The following GSG1 variants were observed in gnomAD, a reference collection of about 807,000 sequenced individuals.
The protein encoded by GSG1 is germ cell-specific gene 1 protein.
Under a neutral mutation model 30.8 loss-of-function variants are expected in GSG1, and 28 were observed. That is an observed-to-expected ratio of 0.91 (90% CI 0.67 to 1.25). The LOEUF (loss-of-function observed/expected upper bound fraction) is 1.25. Ranked by LOEUF, GSG1 falls within the 50% of genes most tolerant of loss-of-function variation. GSG1 has a pLI of 0.00. For missense variants in GSG1, 435 were observed against 444.7 expected (o/e 0.98, Z 0.20); for synonymous variants, 162 against 178.0 (o/e 0.91, Z 0.71).
At position 13,101,197 on chromosome 12, in the gene GSG1, C is replaced by G. The variant is rs1162501043; in HGVS notation, c.48+2268G>C. The stretch of plus-strand genomic sequence containing the variant: ...ACCGCGGGGCGGGGCGGGGGCGTAA[C>G]GGGTGGGGCCTCTCGGGGGTGCCTG... On this transcript the variant is annotated intron_variant, in intron 1 of 6. Transcript: ENST00000651961. This position sits in a 1 kb window ranked among gnomAD's most constrained non-coding sequence, Gnocchi z 5.8. 6.9e-6 allele frequency among the ~76,000 whole-genome samples: 1 copy of G among 144,882 alleles called. No individual in the cohort carries two copies.
At chr12:13,095,698 T>C in intron 1 of GSG1, 2 of 1,603,360 alleles carry the variant, frequency 1.2e-6, no homozygotes, top group Admixed American at 1.7e-5. Flanking sequence ...ATGCAAACTG[T>C]CTTCCTACCC....
intron 1 of GSG1, among the ~76,000 whole-genome samples, chr12:13,096,212 G>T (rs1271964038): frequency 6.6e-6 from 1 of 152,054 alleles, no homozygotes; most frequent in Non-Finnish European, 1.5e-5. Flanking sequence ...GGTGGATCAC[G>T]CCTGTAATCC....
At position 13,090,654 on chromosome 12, in the gene GSG1, G is replaced by A; in HGVS notation, c.213C>T (p.Cys71=). The part of the protein sequence containing the change: ...PLCEKGLAAK[C]FDMPVSLDGD... ...CATCCAGGGACACTGGCATGTCAAA[G>A]CACTTGGCTGCCAGACCTTTCTCGC... The change falls in exon 2 of 7, where the codon TGC becomes TGT. Residue 71 remains cysteine (C), a synonymous_variant. Transcript: ENST00000651961. 2 of 1,614,244 alleles carry A rather than the reference G, an allele frequency of 1.2e-6. No homozygotes were observed. The highest frequency in any genetic ancestry group is 1.1e-5 in the South Asian group (1 of 91,088).
At chr12:13,095,088 T>C (rs1349386197) in intron 1 of GSG1, among the ~76,000 whole-genome samples, 1 of 152,208 alleles carries the variant, frequency 6.6e-6, no homozygotes, top group Non-Finnish European at 1.5e-5. Context: ...GGAACCTCAT[T>C]CAAAAATCAT....
At chr12:13,096,029 A>G (rs1025716589) in intron 1 of GSG1, among the ~76,000 whole-genome samples, 7 of 152,202 alleles carry the variant, frequency 4.6e-5, no homozygotes, top group Admixed American at 3.9e-4. Flanking sequence ...GCAGGTCACC[A>G]TCACTGCAGA....
chr12:13,102,378 C>T (rs533027796), intron 1 of GSG1, among the ~76,000 whole-genome samples: 41 of 152,300 alleles, frequency 2.7e-4, no homozygotes, highest in African/African-American at 9.9e-4. Context: ...CCAGACGCTC[C>T]CATATTCCCT....
At chr12:13,098,309 A>G (rs1862889841) in intron 1 of GSG1, among the ~76,000 whole-genome samples, 1 of 150,700 alleles carries the variant, frequency 6.6e-6, no homozygotes, top group African/African-American at 2.4e-5. Context: ...GGATCCTTTT[A>G]TTTATTTATT....
At chr12:13,087,874 C>T (rs1865685836) in intron 5 of GSG1, 33 bp downstream of exon 5, 2 of 1,607,854 alleles carry the variant, frequency 1.2e-6, no homozygotes, top group Non-Finnish European at 1.7e-6. Flanking sequence ...TGGCCAGGGC[C>T]AACCACCCTC....
Position 13,083,616 on chromosome 12 carries a change from C to T in GSG1, c.*1285G>A, listed in dbSNP as rs1185081735. 1 of 150,952 alleles carries T rather than the reference C, an allele frequency of 6.6e-6. No homozygotes were observed. The highest frequency in any genetic ancestry group is 2.4e-5 in the African/African-American group (1 of 40,962). The allele number at this position is 150,952 out of a possible 1,614,324, so 9.4% of individuals were successfully genotyped here. On this transcript the variant is annotated 3_prime_UTR_variant, in exon 7 of 7. Coordinates refer to ENST00000651961, the MANE Select transcript of GSG1 (RefSeq NM_001080555.4). ...ATTTGTTACATATGTATACATGTGC[C>T]ATGTTGGTGTGCTGCACCCATTAAC...
At position 13,089,274 on chromosome 12, in the gene GSG1, G is replaced by A; in HGVS notation, c.367C>T (p.Leu123=). The change falls in exon 3 of 7, where the codon CTG becomes TTG. Residue 123 remains leucine, a splice_region_variant and synonymous_variant. Coordinates refer to ENST00000651961, the MANE Select transcript of GSG1 (RefSeq NM_001080555.4). ...TGTTTCCAGGACTGGGGATGGAGCA[G>A]TGCTAAGTGGCACAATAATAAATAT... The part of the protein sequence containing the change: ...SCEETVEEPA[L]LHPQSWKQFR... The A allele has an allele frequency of 1.9e-6, 3 of 1,554,494 alleles. No homozygotes were observed. The highest frequency in any genetic ancestry group is 1.7e-6 in the Non-Finnish European group (2 of 1,148,414).
chr12:13,098,934 C>T (rs1280702640), intron 1 of GSG1, among the ~76,000 whole-genome samples: 2 of 152,164 alleles, frequency 1.3e-5, no homozygotes, highest in African/African-American at 2.4e-5. Context: ...CCTACTCACT[C>T]CACCTCTTCT....
chr12:13,097,346 G>C (rs910398629), intron 1 of GSG1, among the ~76,000 whole-genome samples: 2 of 151,796 alleles, frequency 1.3e-5, no homozygotes, highest in African/African-American at 4.8e-5. Context: ...CATGATCCTT[G>C]TCACACTATA....
intron 1 of GSG1, among the ~76,000 whole-genome samples, chr12:13,096,557 A>T (rs1866682540): frequency 6.6e-6 from 1 of 151,724 alleles, no homozygotes; most frequent in African/African-American, 2.4e-5. Context: ...TTGGCTGGGG[A>T]TGTGGCAAAG....
chr12:13,094,717 A>T (rs761155967), intron 1 of GSG1, among the ~76,000 whole-genome samples: 10 of 152,310 alleles, frequency 6.6e-5, no homozygotes, highest in African/African-American at 2.4e-4. Flanking sequence ...GACTTAGGCA[A>T]TTCTAACTTT....
Position 13,085,002 on chromosome 12 carries a change from C to G in GSG1, c.988G>C (p.Val330Leu), listed in dbSNP as rs369027741. 1.3e-6 allele frequency: 2 copies of G among 1,557,626 alleles called. No homozygotes were observed. Among genetic ancestry groups the G allele is most frequent in the African/African-American group, 2.7e-5 (2 of 73,528 alleles). ...NQPIHSVSEGVDFYSELRNKG... is the reference protein window; with the variant it reads ...NQPIHSVSEGLDFYSELRNKG... ...TTCCGCAGCTCGGAGTAGAAGTCGA[C>G]TCCCTCAGAGACAGAGTGGATGGGC... is the stretch of plus-strand genomic sequence containing the variant. The change falls in exon 7 of 7, where the codon GTC (valine) becomes CTC (leucine). Residue 330 changes from valine (V) to leucine (L), a missense_variant. Coordinates refer to ENST00000651961, the MANE Select transcript of GSG1 (RefSeq NM_001080555.4).
At chr12:13,096,227 A>G (rs968354143) in intron 1 of GSG1, among the ~76,000 whole-genome samples, 1 of 152,058 alleles carries the variant, frequency 6.6e-6, no homozygotes. Context: ...TAATCCCAGC[A>G]CTTTGGGAGG....
chr12:13,097,662 C>T (rs1308493459), intron 1 of GSG1, among the ~76,000 whole-genome samples: 1 of 152,038 alleles, frequency 6.6e-6, no homozygotes, highest in African/African-American at 2.4e-5. Context: ...TATGCCGATT[C>T]CTGGACCCAC....
At chr12:13,087,349 C>T (rs1865645818) in intron 5 of GSG1, 86 bp from the exon 6 acceptor site, 6 of 932,250 alleles carry the variant, frequency 6.4e-6, no homozygotes, top group Non-Finnish European at 1.0e-5. Flanking sequence ...ACCCTTCTTG[C>T]AGTCAGGCGC....
chr12:13,094,051 G>A (rs1157664316), intron 1 of GSG1, among the ~76,000 whole-genome samples: 1 of 152,178 alleles, frequency 6.6e-6, no homozygotes, highest in African/African-American at 2.4e-5. Flanking sequence ...AAACCTTCTT[G>A]AGCTTTCCAG....
Sources: allele counts gnomAD v4.1 joint callset (sites outside exome capture counted in the v4.1 genomes callset), GRCh38; gene constraint gnomAD v4.1.1; non-coding constraint Gnocchi (gnomAD v3.1); transcripts MANE v1.5; gene names NCBI Gene and HGNC (gene_info 2026-07-23, HGNC 2026-07-21).